The following MROH2B variants were observed in gnomAD, a reference collection of about 807,000 sequenced individuals.
The protein encoded by MROH2B is maestro heat-like repeat-containing protein family member 2B.
In MROH2B, 177 loss-of-function variants were observed where a neutral mutation model predicts 208.6. The observed-to-expected ratio is 0.85, with a 90% CI of 0.75 to 0.96. MROH2B has a LOEUF of 0.96. Among genes scored for constraint, MROH2B ranks in the 40% least tolerant of loss-of-function variants. The pLI, the probability that MROH2B is intolerant of heterozygous loss-of-function variation, is 0.00. For missense variants in MROH2B, 2,002 were observed against 1,878.7 expected (o/e 1.07, Z -1.21); for synonymous variants, 728 against 659.0 (o/e 1.10, Z -1.60).
At chr5:41,019,166 CAGG>C in intron 24 of MROH2B, 148 bp from the exon 25 acceptor site, 3 of 967,508 alleles carry the variant, frequency 3.1e-6, no homozygotes, top group Non-Finnish European at 4.6e-6. Context: ...AAGGTGGTGA[CAGG>C]AGTAGGGAGA....
chr5:41,027,594 C>A (rs1286819835), intron 24 of MROH2B, among the ~76,000 whole-genome samples: 1 of 152,058 alleles, frequency 6.6e-6, no homozygotes, highest in Non-Finnish European at 1.5e-5. Flanking sequence ...GTTGGTGGGA[C>A]GTAAAGTAGT....
At chr5:41,032,675 T>A (rs1742611254) in intron 24 of MROH2B, 67 bp downstream of exon 24, 1 of 1,304,604 alleles carries the variant, frequency 7.7e-7, no homozygotes, top group Admixed American at 1.9e-5. Flanking sequence ...CTAACAGATG[T>A]TAGTTGATCA....
intron 24 of MROH2B, among the ~76,000 whole-genome samples, chr5:41,024,357 A>T (rs995501572): frequency 5.3e-5 from 8 of 152,178 alleles, no homozygotes; most frequent in African/African-American, 1.9e-4. Flanking sequence ...AAGCAAATGG[A>T]AAACAAAAAA....
chr5:41,012,952 A>T (rs1348066802), intron 29 of MROH2B, among the ~76,000 whole-genome samples: 1 of 152,226 alleles, frequency 6.6e-6, no homozygotes, highest in Admixed American at 6.5e-5. Flanking sequence ...CTTTTTTATC[A>T]TTTCATATTT....
rs572965672 is a variant in MROH2B at position 41,055,648 on chromosome 5, T to C, written c.1033+94A>G. On this transcript the variant is annotated intron_variant, in intron 10 of 41. Coordinates refer to ENST00000399564, the MANE Select transcript of MROH2B (RefSeq NM_173489.5). ...ATTTGCACGTGATGTTATATAAGCA[T>C]CCAAAAGACATAGGATAGGATTAGA... 1.2e-5 allele frequency: 10 copies of C among 862,046 alleles called. No individual in the cohort carries two copies. The East Asian group carries it at 2.5e-4, about 21-fold the overall frequency. 53.4% of individuals were successfully genotyped at this position (862,046 alleles called of 1,614,324 possible).
rs1410074463 is a variant in MROH2B, at chr5:41,008,611, G to A, written c.3603C>T (p.Pro1201=). ...CTTCCTGATTGGCCGTTTACCTGCA[G>A]GGGTCTGGGATCTGCTGCTGTTCTC... is the stretch of plus-strand genomic sequence containing the variant. ...QQGEQQQIPD[P]CRLSTATLKC... Residue 1201 remains proline, a synonymous_variant, in exon 33 of 42, where the codon CCC becomes CCT. Coordinates refer to ENST00000399564, the MANE Select transcript of MROH2B (RefSeq NM_173489.5). The A allele has an allele frequency of 1.2e-6, 2 of 1,613,388 alleles. No individual in the cohort carries two copies. The highest frequency in any genetic ancestry group is 4.5e-5 in the East Asian group (2 of 44,892).
intron 37 of MROH2B, among the ~76,000 whole-genome samples, chr5:41,001,278 A>G (rs377233486): frequency 1.3e-5 from 2 of 152,156 alleles, no homozygotes; most frequent in African/African-American, 4.8e-5. Context: ...AATATTTTCT[A>G]AAGGGATTAC....
intron 21 of MROH2B, among the ~76,000 whole-genome samples, chr5:41,036,196 A>C (rs1157003653): frequency 6.6e-6 from 1 of 151,968 alleles, no homozygotes; most frequent in Non-Finnish European, 1.5e-5. Context: ...GTCCCACCCA[A>C]ATCTCAACTT....
Position 41,045,796 on chromosome 5 carries a change from G to A in MROH2B, c.1786C>T (p.Gln596Ter). The A allele has an allele frequency of 1.2e-6, 2 of 1,613,596 alleles. No homozygotes were observed. Among genetic ancestry groups the A allele is most frequent in the Non-Finnish European group, 1.7e-6 (2 of 1,179,614 alleles). The change falls in exon 18 of 42, where the codon CAG becomes TAG. Residue 596 changes from glutamine to a stop codon, truncating the protein, a stop_gained. Coordinates refer to ENST00000399564, the MANE Select transcript of MROH2B (RefSeq NM_173489.5). LOFTEE classifies it high-confidence loss of function. ...CTGCCCATTTGCTGTTTGAAATCCTGAGTCAGCTGAATGGTCCAGGCCACA... is the reference window on the plus strand; with the variant it reads ...CTGCCCATTTGCTGTTTGAAATCCTAAGTCAGCTGAATGGTCCAGGCCACA... ...SDVAWTIQLT[Q>*]DFKQQMGSYS...
intron 19 of MROH2B, among the ~76,000 whole-genome samples, chr5:41,041,557 G>C (rs1579940991): frequency 6.6e-6 from 1 of 152,176 alleles, no homozygotes; most frequent in Non-Finnish European, 1.5e-5. Context: ...CTGGGAGGCA[G>C]AGTTTGCAGT....
chr5:41,024,213 T>C (rs1742264387), intron 24 of MROH2B, among the ~76,000 whole-genome samples: 1 of 152,280 alleles, frequency 6.6e-6, no homozygotes, highest in African/African-American at 2.4e-5. Flanking sequence ...ATGGGATAAA[T>C]ACTCCAATTA....
At position 41,004,794 on chromosome 5, in the gene MROH2B, C is replaced by G; in HGVS notation, c.3991G>C (p.Ala1331Pro). 1 of 1,613,868 alleles carries G rather than the reference C, an allele frequency of 6.2e-7. No homozygotes were observed. The highest frequency in any genetic ancestry group is 8.5e-7 in the Non-Finnish European group (1 of 1,179,852). ...TTTACCTTGTGAGGAGCCCCGGATGCTGTGTTGCCGAGCCCTCGGATGGCC... is the reference window on the plus strand; with the variant it reads ...TTTACCTTGTGAGGAGCCCCGGATGGTGTGTTGCCGAGCCCTCGGATGGCC... Reference protein sequence around the residue: ...QMAIRGLGNTASGAPHKVKKH... With the variant: ...QMAIRGLGNTPSGAPHKVKKH... The change falls in exon 36 of 42, where the codon GCA becomes CCA. Residue 1331 changes from alanine (A) to proline (P), a missense_variant. Ala to Pro is a conservative substitution (Grantham distance 27). Transcript: ENST00000399564.
chr5:41,029,504 T>C (rs1212226917), intron 24 of MROH2B, among the ~76,000 whole-genome samples: 2 of 152,122 alleles, frequency 1.3e-5, no homozygotes, highest in African/African-American at 4.8e-5. Flanking sequence ...TTTTTGCTTT[T>C]GTAGGCCAAG....
At chr5:41,032,958 C>G in intron 23 of MROH2B, 83 bp downstream of exon 23, 1 of 1,577,134 alleles carries the variant, frequency 6.3e-7, no homozygotes, top group Non-Finnish European at 8.6e-7. Flanking sequence ...CTGGTGAAGT[C>G]TATTCACTTT....
At chr5:41,008,985 T>A (rs1741683293) in intron 32 of MROH2B, among the ~76,000 whole-genome samples, 192 bp from the exon 33 acceptor site, 1 of 152,250 alleles carries the variant, frequency 6.6e-6, no homozygotes, top group Non-Finnish European at 1.5e-5. Flanking sequence ...ACTAGTCATG[T>A]AAAATAAAAT....
At chr5:41,028,025 C>G (rs529427608) in intron 24 of MROH2B, among the ~76,000 whole-genome samples, 1 of 151,726 alleles carries the variant, frequency 6.6e-6, no homozygotes, top group South Asian at 2.1e-4. Context: ...ACATCACACA[C>G]CAGGGCCCGT....
intron 24 of MROH2B, 77 bp downstream of exon 24, chr5:41,032,665 C>G: frequency 8.1e-7 from 1 of 1,238,692 alleles, no homozygotes; most frequent in East Asian, 2.5e-5. Flanking sequence ...GAAGTCTGCA[C>G]TAACAGATGT....
chr5:41,041,739 G>T (rs1742959014), intron 19 of MROH2B, among the ~76,000 whole-genome samples: 1 of 152,168 alleles, frequency 6.6e-6, no homozygotes, highest in Admixed American at 6.5e-5. Context: ...AGCACTTTAG[G>T]TTATCTTTAC....
intron 21 of MROH2B, among the ~76,000 whole-genome samples, chr5:41,037,359 C>T (rs1240984417): frequency 1.3e-5 from 2 of 152,188 alleles, no homozygotes; most frequent in African/African-American, 2.4e-5. Context: ...TTTCTATTCT[C>T]ATCACTGCTT....
Sources: gnomAD v4.1 joint callset for allele counts (sites outside exome capture counted in the v4.1 genomes callset) on GRCh38, gnomAD v4.1.1 for gene constraint, MANE v1.5 for transcripts, NCBI Gene and HGNC (gene_info 2026-07-23, HGNC 2026-07-21) for gene names.